The following ZSWIM9 variants were observed in gnomAD, a reference collection of about 807,000 sequenced individuals.
ZSWIM9 encodes the protein zinc finger SWIM-type containing 9.
ZSWIM9 carries 11 observed loss-of-function variants against 25.0 expected under a neutral mutation model. That is an observed-to-expected ratio of 0.44 (90% CI 0.28 to 0.73). The LOEUF is 0.73. Ranked by LOEUF, ZSWIM9 falls within the 30% of genes least tolerant of loss-of-function variation. The pLI is 0.16. For synonymous variants in ZSWIM9, 562 were observed against 582.1 expected (o/e 0.97, Z 0.50); for missense variants, 1,070 against 1,296.5 (o/e 0.83, Z 2.68).
intron 2 of ZSWIM9, among the ~76,000 whole-genome samples, chr19:48,172,408 A>G (rs1190012146): frequency 6.6e-5 from 10 of 151,918 alleles, no homozygotes; most frequent in African/African-American, 2.4e-5. Flanking sequence ...CCTAGGTTCA[A>G]GTGATTCTCC....
chr19:48,197,483 A>C lies in ZSWIM9; in HGVS notation c.*656A>C. 5.3e-6 allele frequency: 3 copies of C among 565,014 alleles called. No individual in the cohort carries two copies. Among genetic ancestry groups the C allele is most frequent in the Non-Finnish European group, 9.5e-6 (3 of 316,182 alleles). The allele number at this position is 565,014 out of a possible 1,614,324, so 35.0% of individuals were successfully genotyped here. On this transcript the variant is annotated 3_prime_UTR_variant, in exon 4 of 4. Transcript: ENST00000614654. ...GGCGTGGTTTTGGTTTTTCTCCAAG[A>C]CCTGGAGACATCGACCCCCATCGCC...
chr19:48,172,133 T>TGGGGGGGG, intron 2 of ZSWIM9, 56 bp downstream of exon 2: 1 of 665,948 alleles, frequency 1.5e-6, no homozygotes, highest in Non-Finnish European at 2.3e-6. Context: ...CGGGGGTGGG[T>TGGGGGGGG]GTGGGTGGGA....
intron 2 of ZSWIM9, chr19:48,181,124 T>C (rs935566068): frequency 1.3e-5 from 2 of 151,860 alleles, no homozygotes; most frequent in African/African-American, 4.8e-5. Flanking sequence ...TTTTAAAAAA[T>C]GTAACACACA....
intron 2 of ZSWIM9, among the ~76,000 whole-genome samples, chr19:48,174,537 A>G (rs2036873628): frequency 6.6e-6 from 1 of 152,224 alleles, no homozygotes; most frequent in Admixed American, 6.5e-5. Context: ...TCATGTGGAA[A>G]ATGGGAGACA....
chr19:48,194,569 AG>A lies in ZSWIM9; in HGVS notation c.589-80del. The A allele has an allele frequency of 1.5e-6, 2 of 1,317,172 alleles. No individual in the cohort carries two copies. The highest frequency in any genetic ancestry group is 3.0e-5 in the East Asian group (1 of 33,136). 81.6% of individuals were successfully genotyped at this position (1,317,172 alleles called of 1,614,324 possible). A position where few individuals can be genotyped will look rare whatever the true frequency, so the allele number is the denominator to read the frequency against. On this transcript the variant is annotated intron_variant, in intron 3 of 3. Transcript: ENST00000614654. This position sits in a 1 kb window ranked among gnomAD's most constrained non-coding sequence, Gnocchi z 6.0. ...GAATGGGTGGTCCCATTTCCGTAGA[AG>A]GGGAAACCGAGGTCGGGGAGCTGGG... is the stretch of plus-strand genomic sequence containing the variant.
chr19:48,189,070 A>G (rs2037064185), intron 3 of ZSWIM9, among the ~76,000 whole-genome samples: 1 of 152,076 alleles, frequency 6.6e-6, no homozygotes, highest in Admixed American at 6.6e-5. Flanking sequence ...GTATGATCTC[A>G]GTGGAGGGCA....
At chr19:48,188,449 G>A (rs903205798) in intron 3 of ZSWIM9, among the ~76,000 whole-genome samples, 4 of 151,850 alleles carry the variant, frequency 2.6e-5, no homozygotes, top group Non-Finnish European at 5.9e-5. Context: ...GAATGGTCTC[G>A]ATCTCCTGGC....
rs1555787892 is a variant in ZSWIM9 at position 48,192,498 on chromosome 19, TAC to T, written c.589-2135_589-2134del. The stretch of plus-strand genomic sequence containing the variant: ...AAAAAAAAATATATATATATATATA[TAC>T]ACACACACACACACACACATTTACA... On this transcript the variant is annotated intron_variant, in intron 3 of 3. Transcript: ENST00000614654. Among the ~76,000 whole-genome samples the T allele has an allele frequency of 5.4e-3, 111 of 20,738 alleles. 16 individuals are homozygous for T. Among genetic ancestry groups the T allele is most frequent in the African/African-American group, 5.9e-3 (42 of 7,100 alleles). 13.6% of individuals were successfully genotyped at this position (20,738 alleles called of 152,430 possible).
At chr19:48,191,264 G>A (rs1007805156) in intron 3 of ZSWIM9, among the ~76,000 whole-genome samples, 4 of 152,092 alleles carry the variant, frequency 2.6e-5, no homozygotes, top group African/African-American at 9.7e-5. Flanking sequence ...GAGTACAGTG[G>A]CACAATCTCG....
chr19:48,174,291 G>A (rs573890988), intron 2 of ZSWIM9, among the ~76,000 whole-genome samples: 1 of 152,100 alleles, frequency 6.6e-6, no homozygotes, highest in Admixed American at 6.6e-5. Flanking sequence ...CCAAGCCTCA[G>A]TTTTCTCATC....
At chr19:48,187,199 A>T (rs1599930307) in intron 3 of ZSWIM9, among the ~76,000 whole-genome samples, 2 of 142,036 alleles carry the variant, frequency 1.4e-5, no homozygotes. Flanking sequence ...CTCTGATTTA[A>T]AAAAAAAAAA....
Position 48,195,078 on chromosome 19 carries a change from G to A in ZSWIM9, c.1014G>A (p.Glu338=), listed in dbSNP as rs1473715771. The part of the protein sequence containing the change: ...KAQELGGAGR[E]DPGLWSRLCR... Reference sequence around the variant, plus strand: ...AGGAGCTGGGCGGCGCCGGCCGCGAGGACCCGGGCCTGTGGTCGCGCCTGT... The same window carrying A: ...AGGAGCTGGGCGGCGCCGGCCGCGAAGACCCGGGCCTGTGGTCGCGCCTGT... The change falls in exon 4 of 4, where the codon GAG becomes GAA. Residue 338 remains glutamate, a synonymous_variant. Transcript: ENST00000614654. This position sits in a 1 kb window ranked among gnomAD's most constrained non-coding sequence, Gnocchi z 5.8. 27 of 1,382,686 alleles carry A rather than the reference G, an allele frequency of 2.0e-5. No homozygotes were observed. Among genetic ancestry groups the A allele is most frequent in the Non-Finnish European group, 2.2e-5 (24 of 1,078,348 alleles). 85.7% of individuals were successfully genotyped at this position (1,382,686 alleles called of 1,614,324 possible). A position where few individuals can be genotyped will look rare whatever the true frequency, so the allele number is the denominator to read the frequency against.
At chr19:48,183,470 C>T (rs2036977039) in intron 3 of ZSWIM9, among the ~76,000 whole-genome samples, 1 of 151,626 alleles carries the variant, frequency 6.6e-6, no homozygotes, top group Non-Finnish European at 1.5e-5. Flanking sequence ...CCACCTATGG[C>T]TATTGGCTGC....
At chr19:48,172,125 GGGGT>G in intron 2 of ZSWIM9, 48 bp downstream of exon 2, 2 of 1,442,316 alleles carry the variant, frequency 1.4e-6, no homozygotes, top group Non-Finnish European at 9.2e-7. Context: ...GGGAGCACCG[GGGGT>G]GGGTGTGGGT....
chr19:48,197,391 G>T lies in ZSWIM9; in HGVS notation c.*564G>T. The T allele has an allele frequency of 1.6e-6, 1 of 642,852 alleles. No individual in the cohort carries two copies. The highest frequency in any genetic ancestry group is 1.7e-5 in the South Asian group (1 of 57,256). 39.8% of individuals were successfully genotyped at this position (642,852 alleles called of 1,614,324 possible). A position where few individuals can be genotyped will look rare whatever the true frequency, so the allele number is the denominator to read the frequency against. ...GGAGAGGAAGGGACGGGATGTAGGAGGGGGAAGAAAAATCGGAGATGAGAC... is the reference window on the plus strand; with the variant it reads ...GGAGAGGAAGGGACGGGATGTAGGATGGGGAAGAAAAATCGGAGATGAGAC... On this transcript the variant is annotated 3_prime_UTR_variant, in exon 4 of 4. Coordinates refer to ENST00000614654, the MANE Select transcript of ZSWIM9 (RefSeq NM_199341.4).
Position 48,196,810 on chromosome 19 carries a change from A to T in ZSWIM9, c.2746A>T (p.Arg916Ter), listed in dbSNP as rs1568585620. 1 of 1,235,864 alleles carries T rather than the reference A, an allele frequency of 8.1e-7. No homozygotes were observed. Among genetic ancestry groups the T allele is most frequent in the Non-Finnish European group, 1.0e-6 (1 of 990,478 alleles). 76.6% of individuals were successfully genotyped at this position (1,235,864 alleles called of 1,614,324 possible). A position where few individuals can be genotyped will look rare whatever the true frequency, so the allele number is the denominator to read the frequency against. Reference protein sequence around the residue: ...HMDLLRDCWGRAPEP With the variant: ...HMDLLRDCWG ...GGACCTGCTCAGGGATTGCTGGGGG[A>T]GAGCCCCAGAGCCCTGACCCTTCAT... Residue 916 changes from arginine (R) to a stop codon, truncating the protein, a stop_gained, in exon 4 of 4, where the codon AGA (arginine) becomes TGA (stop). Transcript: ENST00000614654. LOFTEE classifies it high-confidence loss of function.
In ZSWIM9 at chr19:48,194,946, C is replaced by G. The variant is rs936763781; in HGVS notation, c.882C>G (p.Ala294=). The change falls in exon 4 of 4, where the codon GCC becomes GCG. Residue 294 remains alanine, a synonymous_variant. Transcript: ENST00000614654. The surrounding 1 kb of genome is among the most constrained non-coding windows in gnomAD (Gnocchi z 6.0). ...DVKGRVRCLT[A]GPEVAAQLPA... Reference sequence around the variant, plus strand: ...AGGGCCGCGTGCGCTGCCTCACCGCCGGGCCCGAGGTGGCGGCGCAGTTGC... The same window carrying G: ...AGGGCCGCGTGCGCTGCCTCACCGCGGGGCCCGAGGTGGCGGCGCAGTTGC... 8.5e-5 allele frequency: 112 copies of G among 1,322,866 alleles called. No homozygotes were observed. In the African/African-American group the frequency reaches 1.7e-3, roughly 20 times the overall value. 81.9% of individuals were successfully genotyped at this position (1,322,866 alleles called of 1,614,324 possible). A position where few individuals can be genotyped will look rare whatever the true frequency, so the allele number is the denominator to read the frequency against.
chr19:48,188,486 C>T (rs1038123081), intron 3 of ZSWIM9, among the ~76,000 whole-genome samples: 1 of 151,930 alleles, frequency 6.6e-6, no homozygotes, highest in African/African-American at 2.4e-5. Flanking sequence ...CTCGGCCTCC[C>T]AAAGTGCTGG....
chr19:48,195,050 C>A lies in ZSWIM9; in HGVS notation c.986C>A (p.Ala329Glu). ...GGCCTGGAGACGCTCTTCAGCAAGG[C>A]GCAGGAGCTGGGCGGCGCCGGCCGC... is the stretch of plus-strand genomic sequence containing the variant. ...AQGLETLFSK[A>E]QELGGAGRED... The change falls in exon 4 of 4, where the codon GCG (alanine) becomes GAG (glutamate). Residue 329 changes from alanine (A) to glutamate (E), a missense_variant. Ala to Glu is a moderately radical substitution (Grantham distance 107, BLOSUM62 -1). Transcript: ENST00000614654. This position sits in a 1 kb window ranked among gnomAD's most constrained non-coding sequence, Gnocchi z 5.8. The A allele has an allele frequency of 1.4e-6, 2 of 1,380,236 alleles. No homozygotes were observed. The highest frequency in any genetic ancestry group is 1.9e-6 in the Non-Finnish European group (2 of 1,074,976). The allele number at this position is 1,380,236 out of a possible 1,614,324, so 85.5% of individuals were successfully genotyped here. A position where few individuals can be genotyped will look rare whatever the true frequency, so the allele number is the denominator to read the frequency against.
Sources: allele counts gnomAD v4.1 joint callset (sites outside exome capture counted in the v4.1 genomes callset), GRCh38; gene constraint gnomAD v4.1.1; non-coding constraint Gnocchi (gnomAD v3.1); transcripts MANE v1.5; gene names NCBI Gene and HGNC (gene_info 2026-07-23, HGNC 2026-07-21).